Variants in KLF13 observed in about 807,000 individuals in gnomAD.
KLF13 encodes KLF transcription factor 13.
A neutral mutation model predicts 16.7 loss-of-function variants in KLF13; 8 were observed. The observed-to-expected ratio is 0.48, with a 90% CI of 0.28 to 0.87. The LOEUF (loss-of-function observed/expected upper bound fraction) is 0.87, where lower values mean the gene tolerates loss of function less well. Among genes scored for constraint, KLF13 ranks in the 40% least tolerant of loss-of-function variants. The pLI is 0.10. For missense variants in KLF13, 447 were observed against 452.2 expected, an observed-to-expected ratio of 0.99 and a Z score of 0.10; for synonymous variants, 245 against 208.4, an observed-to-expected ratio of 1.18 and a Z score of -1.51.
At chr15:31,420,180 A>T (rs2040304581) in intron 1 of KLF13, 1 of 558,590 alleles carries the variant, frequency 1.8e-6, no homozygotes, top group African/African-American at 1.9e-5. Context: ...GCCACCCATA[A>T]AAGAGCCGAG....
At chr15:31,394,209 G>T (rs1455396873) in intron 2 of KLF13, among the ~76,000 whole-genome samples, 1 of 152,146 alleles carries the variant, frequency 6.6e-6, no homozygotes, top group Non-Finnish European at 1.5e-5. Flanking sequence ...GGGCGCGGTG[G>T]CTCACGCCTG....
chr15:31,417,178 G>A (rs1381209109), intron 1 of KLF13, among the ~76,000 whole-genome samples: 1 of 152,120 alleles, frequency 6.6e-6, no homozygotes, highest in Non-Finnish European at 1.5e-5. Flanking sequence ...CCAGAACTAT[G>A]AGAAATAAAT....
chr15:31,349,823 C>T (rs1180065164), intron 1 of KLF13, among the ~76,000 whole-genome samples: 2 of 152,176 alleles, frequency 1.3e-5, no homozygotes, highest in Non-Finnish European at 2.9e-5. Flanking sequence ...TCACAGCTTC[C>T]AGGTCCCCTC....
downstream of KLF13, among the ~76,000 whole-genome samples, chr15:31,405,056 A>G (rs1055275457): frequency 2.0e-5 from 3 of 152,176 alleles, no homozygotes; most frequent in South Asian, 2.1e-4. Context: ...CCTGAAACTC[A>G]TATGTTGAGT....
chr15:31,413,322 T>A (rs978851166), intron 1 of KLF13, among the ~76,000 whole-genome samples: 2 of 151,330 alleles, frequency 1.3e-5, no homozygotes, highest in African/African-American at 4.9e-5. Context: ...AAAGAAATAA[T>A]GGCAGAAAAC....
rs2039656956 is a variant in KLF13 at position 31,376,962 on chromosome 15, G to A, written c.*4663G>A. ...CCTACCCTACAAGTCACACATTCCGGGGAGGGGGGTGGGGGGTGGAGGCAG... is the reference window on the plus strand; with the variant it reads ...CCTACCCTACAAGTCACACATTCCGAGGAGGGGGGTGGGGGGTGGAGGCAG... On this transcript the variant is annotated 3_prime_UTR_variant, in exon 2 of 2. Coordinates refer to ENST00000307145, the MANE Select transcript of KLF13 (RefSeq NM_015995.4). 6.9e-6 allele frequency: 1 copy of A among 144,048 alleles called. No homozygotes were observed. Among genetic ancestry groups the A allele is most frequent in the African/African-American group, 2.5e-5 (1 of 40,006 alleles). The allele number at this position is 144,048 out of a possible 1,614,324, so 8.9% of individuals were successfully genotyped here.
At chr15:31,385,436 A>G (rs2039783801) in intron 1 of KLF13, among the ~76,000 whole-genome samples, 2 of 152,356 alleles carry the variant, frequency 1.3e-5, no homozygotes, top group South Asian at 4.1e-4. Context: ...TGTGTTTTTT[A>G]GAAATTGAAG....
At chr15:31,400,092 C>A (rs758808225) in intron 2 of KLF13, among the ~76,000 whole-genome samples, 1 of 152,202 alleles carries the variant, frequency 6.6e-6, no homozygotes, top group Non-Finnish European at 1.5e-5. Context: ...CTGGAGCCTC[C>A]CCATGGGGTT....
chr15:31,330,846 T>C (rs949139373), intron 1 of KLF13, among the ~76,000 whole-genome samples: 17 of 152,232 alleles, frequency 1.1e-4, no homozygotes, highest in African/African-American at 4.1e-4. Context: ...AACTTCCGAG[T>C]CCAGACCTGG....
At chr15:31,349,758 C>T (rs995603993) in intron 1 of KLF13, among the ~76,000 whole-genome samples, 2 of 152,210 alleles carry the variant, frequency 1.3e-5, no homozygotes, top group Non-Finnish European at 2.9e-5. Context: ...TTCAGGTCCT[C>T]AGGCTGCTTT....
chr15:31,349,516 C>T (rs2039182963), intron 1 of KLF13, among the ~76,000 whole-genome samples: 1 of 152,236 alleles, frequency 6.6e-6, no homozygotes, highest in Non-Finnish European at 1.5e-5. Flanking sequence ...ACATGAGTCT[C>T]TGGGACCCAG....
chr15:31,335,467 GTGTGTGTGTAT>G (rs2038914273), intron 1 of KLF13, among the ~76,000 whole-genome samples: 1 of 96,400 alleles, frequency 1.0e-5, no homozygotes, highest in Non-Finnish European at 2.2e-5. Flanking sequence ...GTGTGTGTGT[GTGTGTGTGTAT>G]GGTGGCGGGG....
chr15:31,338,227 T>A lies in KLF13; in HGVS notation c.577+10438T>A, dbSNP rs573442962. ...TGATCTTCCTAGTTGCCCTGGATTATGAGCCAAGCGTTTGAATTCCTTTGC... is the reference window on the plus strand; with the variant it reads ...TGATCTTCCTAGTTGCCCTGGATTAAGAGCCAAGCGTTTGAATTCCTTTGC... On this transcript the variant is annotated intron_variant, in intron 1 of 1. Transcript: ENST00000307145. Among the ~76,000 whole-genome samples, 25 of 152,374 alleles carry A rather than the reference T, an allele frequency of 1.6e-4. No homozygotes were observed. In the South Asian group the frequency reaches 5.0e-3, roughly 30 times the overall value.
chr15:31,327,828 G>T (rs771413147), intron 1 of KLF13, 39 bp downstream of exon 1: 2 of 1,390,182 alleles, frequency 1.4e-6, no homozygotes, highest in East Asian at 3.1e-5. Flanking sequence ...CGCGCGGACG[G>T]GGTCGGCGCG....
intron 1 of KLF13, among the ~76,000 whole-genome samples, chr15:31,416,659 C>G (rs1389344464): frequency 6.6e-6 from 1 of 151,946 alleles, no homozygotes; most frequent in Non-Finnish European, 1.5e-5. Context: ...TATAAAACAC[C>G]CATATCAAAT....
At chr15:31,361,380 G>T (rs1429177428) in intron 1 of KLF13, among the ~76,000 whole-genome samples, 1 of 152,184 alleles carries the variant, frequency 6.6e-6, no homozygotes, top group African/African-American at 2.4e-5. Flanking sequence ...TCTGACAAGG[G>T]TTTCACATCA....
At chr15:31,435,025 C>A (rs534904896) in intron 1 of KLF13, among the ~76,000 whole-genome samples, 1 of 152,200 alleles carries the variant, frequency 6.6e-6, no homozygotes, top group African/African-American at 2.4e-5. Context: ...TTCCTTGAGC[C>A]GTCGCAGCTC....
intron 1 of KLF13, among the ~76,000 whole-genome samples, chr15:31,369,783 T>G (rs894419598): frequency 3.3e-5 from 5 of 152,206 alleles, no homozygotes; most frequent in Non-Finnish European, 7.3e-5. Flanking sequence ...CTGGAGTGTG[T>G]GAGACATTAA....
chr15:31,382,338 G>C (rs937637048), downstream of KLF13, among the ~76,000 whole-genome samples: 2 of 152,204 alleles, frequency 1.3e-5, no homozygotes, highest in African/African-American at 4.8e-5. Flanking sequence ...TCCCAACTTA[G>C]GGCTGCAGAG....
Sources: gnomAD v4.1 joint callset for allele counts (sites outside exome capture counted in the v4.1 genomes callset) on GRCh38, gnomAD v4.1.1 for gene constraint, MANE v1.5 for transcripts, NCBI Gene and HGNC (gene_info 2026-07-23, HGNC 2026-07-21) for gene names.